The following BPIFA2 variants were observed in gnomAD, a reference collection of about 807,000 sequenced individuals.
BPIFA2 encodes BPI fold-containing family A member 2.
Under a neutral mutation model 25.7 loss-of-function variants are expected in BPIFA2, and 20 were observed. The ratio of observed to expected loss-of-function variants is 0.78; its 90% CI spans 0.55 to 1.13. The LOEUF (loss-of-function observed/expected upper bound fraction) is 1.13, where lower values mean the gene tolerates loss of function less well. Among genes scored for constraint, BPIFA2 ranks in the 50% most tolerant of loss-of-function variants. The pLI is 0.00. For synonymous variants in BPIFA2, 126 were observed against 124.3 expected (o/e 1.01, Z -0.09); for missense variants, 300 against 298.1 (o/e 1.01, Z -0.05).
upstream of BPIFA2, among the ~76,000 whole-genome samples, chr20:33,163,596 G>T (rs1295985352): frequency 6.6e-6 from 1 of 152,170 alleles, no homozygotes; most frequent in Non-Finnish European, 1.5e-5. Flanking sequence ...GCTAAGGCAG[G>T]CGGATTACTT....
chr20:33,178,199 AG>A lies in BPIFA2; in HGVS notation c.617del (p.Ser206ThrfsTer14), dbSNP rs1171440500. 1 of 1,605,594 alleles carries A rather than the reference AG, an allele frequency of 6.2e-7. No homozygotes were observed. Among genetic ancestry groups the A allele is most frequent in the Admixed American group, 1.7e-5 (1 of 59,620 alleles). On this transcript the variant is annotated frameshift_variant, in exon 6 of 9. Transcript: ENST00000354932. LOFTEE classifies it high-confidence loss of function. ...GAATAGCGTGATCAACACGCTGAAA[AG>A]CACTGTATCCTCCCTGCTGCAGAAG... ...FVNSVINTLK[S>X]TVSSLLQKEI...
At chr20:33,169,599 A>G (rs1983834575) in intron 2 of BPIFA2, among the ~76,000 whole-genome samples, 1 of 152,260 alleles carries the variant, frequency 6.6e-6, no homozygotes, top group South Asian at 2.1e-4. Context: ...ACTTTCTCCA[A>G]CAGTCTACGA....
chr20:33,172,121 A>G (rs1251641231), intron 2 of BPIFA2, among the ~76,000 whole-genome samples: 3 of 152,146 alleles, frequency 2.0e-5, no homozygotes, highest in African/African-American at 7.2e-5. Flanking sequence ...CATCATCCTC[A>G]GCAAACTAAC....
rs769184439 is a variant in BPIFA2, at chr20:33,172,917, G to T, written c.158-15G>T. ...TAAGTGGTGCGTGACACAAAATGGC[G>T]ATTGTTTTTGGCAGGCATCCTTGAG... is the stretch of plus-strand genomic sequence containing the variant. On this transcript the variant is annotated splice_polypyrimidine_tract_variant and intron_variant, in intron 2 of 8. Coordinates refer to ENST00000354932, the MANE Select transcript of BPIFA2 (RefSeq NM_080574.4). The T allele has an allele frequency of 9.3e-6, 15 of 1,611,222 alleles. No homozygotes were observed. The highest frequency in any genetic ancestry group is 1.3e-5 in the Non-Finnish European group (15 of 1,178,792).
intron 5 of BPIFA2, among the ~76,000 whole-genome samples, chr20:33,176,473 G>A (rs1022740131): frequency 3.9e-5 from 6 of 152,228 alleles, no homozygotes; most frequent in African/African-American, 1.4e-4. Flanking sequence ...CCTGCACTGA[G>A]GGATCTGAAC....
upstream of BPIFA2, among the ~76,000 whole-genome samples, chr20:33,165,867 T>C (rs889165359): frequency 5.3e-5 from 8 of 151,328 alleles, no homozygotes; most frequent in African/African-American, 1.9e-4. Context: ...ACAGGAGGAG[T>C]TGTCACTGTT....
At chr20:33,170,954 T>C (rs527301330) in intron 2 of BPIFA2, among the ~76,000 whole-genome samples, 1 of 152,244 alleles carries the variant, frequency 6.6e-6, no homozygotes, top group South Asian at 2.1e-4. Context: ...TGCATACATC[T>C]AGCCAGTTTT....
chr20:33,180,665 C>T (rs1299214490), intron 8 of BPIFA2, 68 bp downstream of exon 8: 7 of 1,339,302 alleles, frequency 5.2e-6, no homozygotes, highest in Non-Finnish European at 7.4e-6. Context: ...AGCGTGGCTT[C>T]CCTTATTTTT....
At chr20:33,179,268 G>A (rs113194663) in intron 6 of BPIFA2, among the ~76,000 whole-genome samples, 13,556 of 151,608 alleles carry the variant, frequency 0.089, 1,983 homozygotes, top group African/African-American at 0.3. Flanking sequence ...TGTCTCTACT[G>A]AAAATACAAA....
intron 2 of BPIFA2, among the ~76,000 whole-genome samples, chr20:33,170,580 G>A (rs79931203): frequency 0.029 from 4,339 of 152,128 alleles, 185 homozygotes; most frequent in African/African-American, 0.096. Context: ...TTTTTGTAGC[G>A]GTGGAGTCTC....
At chr20:33,178,009 C>T in intron 5 of BPIFA2, 138 bp from the exon 6 acceptor site, 1 of 578,948 alleles carries the variant, frequency 1.7e-6, no homozygotes, top group Non-Finnish European at 3.0e-6. Flanking sequence ...GGATGGGAGG[C>T]TCTGTCTGTT....
At chr20:33,179,790 G>C in intron 7 of BPIFA2, 123 bp downstream of exon 7, 2 of 999,792 alleles carry the variant, frequency 2.0e-6, no homozygotes, top group South Asian at 2.7e-5. Context: ...AGCAAATTGG[G>C]AGCCATGGCT....
At chr20:33,169,679 A>G (rs1248064536) in intron 2 of BPIFA2, among the ~76,000 whole-genome samples, 1 of 152,238 alleles carries the variant, frequency 6.6e-6, no homozygotes, top group African/African-American at 2.4e-5. Flanking sequence ...CCTGTCTCAC[A>G]GATGAAAAGC....
chr20:33,173,608 G>A (rs958499976), intron 3 of BPIFA2, among the ~76,000 whole-genome samples: 3 of 152,120 alleles, frequency 2.0e-5, no homozygotes, highest in Admixed American at 1.3e-4. Flanking sequence ...GGGTTCAAGC[G>A]ATTCTCCTGC....
intron 4 of BPIFA2, 107 bp from the exon 5 acceptor site, chr20:33,175,300 C>A: frequency 9.0e-7 from 1 of 1,117,070 alleles, no homozygotes; most frequent in Non-Finnish European, 1.3e-6. Context: ...GCCATGTTGA[C>A]ATTACACATA....
Position 33,175,424 on chromosome 20 carries a change from T to A in BPIFA2, c.428T>A (p.Ile143Asn). Residue 143 changes from isoleucine to asparagine, a missense_variant, in exon 5 of 9, where the codon ATT becomes AAT. By Grantham distance (149) the Ile-to-Asn change is moderately radical (BLOSUM62 -3). Transcript: ENST00000354932. Reference protein sequence around the residue: ...VTVAGPIIGQIINLKASLDLL... With the variant: ...VTVAGPIIGQNINLKASLDLL... Reference sequence around the variant, plus strand: ...TCCTGCAGGCCCATCATTGGCCAGATTATCAACCTGAAAGCCTCCTTGGAC... The same window carrying A: ...TCCTGCAGGCCCATCATTGGCCAGAATATCAACCTGAAAGCCTCCTTGGAC... 3 of 1,613,880 alleles carry A rather than the reference T, an allele frequency of 1.9e-6. No homozygotes were observed. Among genetic ancestry groups the A allele is most frequent in the African/African-American group, 2.7e-5 (2 of 75,030 alleles).
intron 2 of BPIFA2, among the ~76,000 whole-genome samples, chr20:33,171,146 T>C (rs1312404341): frequency 1.1e-4 from 17 of 152,234 alleles, no homozygotes; most frequent in Admixed American, 9.8e-4. Flanking sequence ...CCTTGTAGTA[T>C]AGTTTGAAGC....
At chr20:33,164,438 C>T (rs17124248), upstream of BPIFA2, among the ~76,000 whole-genome samples, 2,017 of 152,118 alleles carry the variant, frequency 0.013, 50 homozygotes, top group Middle Eastern at 0.045. Flanking sequence ...ACTGGGACCT[C>T]GGAGATGCTG....
At position 33,169,217 on chromosome 20, in the gene BPIFA2, T is replaced by A. The variant is rs1379736551; in HGVS notation, c.72T>A (p.Asn24Lys). The change falls in exon 2 of 9, where the codon AAT becomes AAA. Residue 24 changes from asparagine (N) to lysine (K), a missense_variant. Asn to Lys is a moderately conservative substitution (Grantham distance 94). Coordinates refer to ENST00000354932, the MANE Select transcript of BPIFA2 (RefSeq NM_080574.4). ...LTGTSESLLDNLGNDLSNVVD... is the reference protein window; with the variant it reads ...LTGTSESLLDKLGNDLSNVVD... ...GGACCTCAGAGTCTCTTCTTGACAA[T>A]CTTGGCAATGACCTAAGCAATGTCG... 4 of 1,614,070 alleles carry A rather than the reference T, an allele frequency of 2.5e-6. No homozygotes were observed. The highest frequency in any genetic ancestry group is 3.4e-6 in the Non-Finnish European group (4 of 1,179,910).
Sources: allele counts gnomAD v4.1 joint callset (sites outside exome capture counted in the v4.1 genomes callset), GRCh38; gene constraint gnomAD v4.1.1; transcripts MANE v1.5; gene names NCBI Gene and HGNC (gene_info 2026-07-23, HGNC 2026-07-21).